GRXCR1: variants seen among roughly 807,000 people sequenced by gnomAD.
The protein encoded by GRXCR1 is glutaredoxin domain-containing cysteine-rich protein 1.
A neutral mutation model predicts 27.3 loss-of-function variants in GRXCR1; 27 were observed. That is an observed-to-expected ratio of 0.99 (90% confidence interval 0.73 to 1.37). GRXCR1 has a LOEUF of 1.37. GRXCR1 is among the 40% of genes most tolerant of loss of function. The probability of loss-of-function intolerance (pLI) is 0.00; values close to 1 mark genes in which losing one functional copy is unlikely to be tolerated. For missense variants in GRXCR1, 379 were observed against 354.4 expected (o/e 1.07, Z -0.56); for synonymous variants, 122 against 131.1 (o/e 0.93, Z 0.47).
At chr4:42,932,670 T>C (rs955338469) in intron 1 of GRXCR1, among the ~76,000 whole-genome samples, 3 of 117,072 alleles carry the variant, frequency 2.6e-5, no homozygotes, top group Non-Finnish European at 3.5e-5. Flanking sequence ...AGAGAGGCAA[T>C]CTGTACAGGG....
chr4:42,922,765 C>T (rs1325770480), intron 1 of GRXCR1, among the ~76,000 whole-genome samples: 1 of 151,958 alleles, frequency 6.6e-6, no homozygotes, highest in Non-Finnish European at 1.5e-5. Context: ...TCAGTCATAA[C>T]CTCCATGCTA....
chr4:42,900,455 C>A (rs1449006272), intron 1 of GRXCR1, among the ~76,000 whole-genome samples: 1 of 152,052 alleles, frequency 6.6e-6, no homozygotes, highest in East Asian at 1.9e-4. Flanking sequence ...GGAGTATTCC[C>A]TTTTTTTGAT....
chr4:43,027,911 C>A (rs1026836781), intron 3 of GRXCR1, among the ~76,000 whole-genome samples: 8 of 152,080 alleles, frequency 5.3e-5, no homozygotes, highest in Admixed American at 1.3e-4. Flanking sequence ...GAGTTTGTGA[C>A]CAGCCTGACC....
chr4:42,932,611 T>G (rs1191444584), intron 1 of GRXCR1, among the ~76,000 whole-genome samples: 697 of 45,574 alleles, frequency 0.015, 6 homozygotes, highest in African/African-American at 0.034. Flanking sequence ...TATATATATA[T>G]ATATATATAG....
intron 2 of GRXCR1, among the ~76,000 whole-genome samples, chr4:42,987,420 C>A (rs1241692035): frequency 6.6e-6 from 1 of 150,820 alleles, no homozygotes; most frequent in African/African-American, 2.4e-5. Flanking sequence ...GTAGCTAGGA[C>A]CACAAAAGTG....
At chr4:42,893,950 A>C (rs992334215) in intron 1 of GRXCR1, among the ~76,000 whole-genome samples, 22 of 152,164 alleles carry the variant, frequency 1.4e-4, no homozygotes, top group African/African-American at 5.3e-4. Context: ...AGATAAAACT[A>C]TGCTGTTCAA....
chr4:42,932,716 C>G (rs913289364), intron 1 of GRXCR1, among the ~76,000 whole-genome samples: 1 of 135,526 alleles, frequency 7.4e-6, no homozygotes, highest in Non-Finnish European at 1.6e-5. Context: ...AAATATGAAG[C>G]CTCTCTGTCC....
intron 1 of GRXCR1, among the ~76,000 whole-genome samples, chr4:42,922,396 A>G (rs1000407365): frequency 6.6e-6 from 1 of 152,090 alleles, no homozygotes; most frequent in Non-Finnish European, 1.5e-5. Context: ...TCCTGCGATC[A>G]GCTGCAAATT....
chr4:42,921,514 G>T (rs1445326868), intron 1 of GRXCR1, among the ~76,000 whole-genome samples: 1 of 152,008 alleles, frequency 6.6e-6, no homozygotes, highest in Non-Finnish European at 1.5e-5. Context: ...TAATTCTCTA[G>T]TTAGAATTCA....
intron 2 of GRXCR1, among the ~76,000 whole-genome samples, chr4:43,002,724 C>T (rs778795432): frequency 1.5e-4 from 23 of 152,056 alleles, no homozygotes; most frequent in Non-Finnish European, 2.8e-4. Context: ...CTTTTTCCTT[C>T]TTCCTGTACC....
intron 1 of GRXCR1, among the ~76,000 whole-genome samples, chr4:42,904,486 C>A (rs1746539244): frequency 1.3e-5 from 2 of 152,138 alleles, no homozygotes; most frequent in Admixed American, 6.5e-5. Flanking sequence ...GACATAAGAG[C>A]ACTATTCTCT....
At chr4:42,899,490 C>G (rs1746418732) in intron 1 of GRXCR1, among the ~76,000 whole-genome samples, 1 of 152,096 alleles carries the variant, frequency 6.6e-6, no homozygotes, top group Non-Finnish European at 1.5e-5. Context: ...GTTTACCAGC[C>G]TCTATGCATT....
chr4:42,935,195 A>G (rs565679130), intron 1 of GRXCR1, among the ~76,000 whole-genome samples: 7 of 152,108 alleles, frequency 4.6e-5, no homozygotes, highest in African/African-American at 1.7e-4. Flanking sequence ...ATAGACTCTT[A>G]GAGAGAAAGA....
chr4:42,994,083 A>G (rs981070611), intron 2 of GRXCR1, among the ~76,000 whole-genome samples: 7 of 152,144 alleles, frequency 4.6e-5, no homozygotes, highest in African/African-American at 1.7e-4. Context: ...CATCAGGTTT[A>G]AGAAATTTAT....
chr4:42,949,528 C>CATTT (rs1747831160), intron 1 of GRXCR1, among the ~76,000 whole-genome samples: 1 of 152,122 alleles, frequency 6.6e-6, no homozygotes, highest in Non-Finnish European at 1.5e-5. Flanking sequence ...CTAGCTCCAT[C>CATTT]ATTTGCTAGT....
chr4:43,008,229 G>C (rs1485111723), intron 2 of GRXCR1, among the ~76,000 whole-genome samples: 2 of 152,116 alleles, frequency 1.3e-5, no homozygotes, highest in African/African-American at 4.8e-5. Context: ...TGGCTAGCAA[G>C]ATAAATAGTC....
intron 3 of GRXCR1, among the ~76,000 whole-genome samples, chr4:43,025,566 G>A (rs1297931493): frequency 1.3e-5 from 2 of 152,322 alleles, no homozygotes; most frequent in East Asian, 1.9e-4. Flanking sequence ...ACTATTCAGA[G>A]GAGAGGAGAC....
intron 2 of GRXCR1, among the ~76,000 whole-genome samples, chr4:42,994,124 A>G (rs192531324): frequency 7.9e-5 from 12 of 152,216 alleles, no homozygotes; most frequent in Admixed American, 5.9e-4. Flanking sequence ...TAGAGGATGC[A>G]TTGTTCTTGC....
chr4:43,019,006 A>G (rs1713017006), intron 2 of GRXCR1, among the ~76,000 whole-genome samples: 1 of 152,162 alleles, frequency 6.6e-6, no homozygotes, highest in Non-Finnish European at 1.5e-5. Context: ...GACATTTTTT[A>G]TGGTGATTAT....
Sources: gnomAD v4.1 joint callset for allele counts (sites outside exome capture counted in the v4.1 genomes callset) on GRCh38, gnomAD v4.1.1 for gene constraint, MANE v1.5 for transcripts, NCBI Gene and HGNC (gene_info 2026-07-23, HGNC 2026-07-21) for gene names.